TBCD: variants seen among roughly 807,000 people sequenced by gnomAD.
The protein encoded by TBCD is tubulin-specific chaperone D.
Under a neutral mutation model 169.3 loss-of-function variants are expected in TBCD, and 105 were observed. The ratio of observed to expected loss-of-function variants is 0.62; its 90% CI spans 0.53 to 0.73. The LOEUF is 0.73. Among genes scored for constraint, TBCD ranks in the 30% least tolerant of loss-of-function variants. The probability of loss-of-function intolerance (pLI) is 0.00; values close to 1 mark genes in which losing one functional copy is unlikely to be tolerated. For synonymous variants in TBCD, 700 were observed against 643.9 expected (o/e 1.09, Z -1.32); for missense variants, 1,444 against 1,600.1 (o/e 0.90, Z 1.66).
chr17:82,756,129 A>G (rs768252813), intron 1 of TBCD, 36 bp from the exon 2 acceptor site: 1 of 1,558,750 alleles, frequency 6.4e-7, no homozygotes, highest in Non-Finnish European at 8.7e-7. Context: ...TGTTTGGCCT[A>G]GTGATAATTA....
At chr17:82,856,118 A>G (rs78851635) in intron 13 of TBCD, among the ~76,000 whole-genome samples, 5,684 of 148,328 alleles carry the variant, frequency 0.038, 379 homozygotes, top group African/African-American at 0.13. Context: ...GATTACAGGC[A>G]TGAGCCTGAA....
chr17:82,797,863 G>A (rs1331474503), intron 8 of TBCD, 61 bp downstream of exon 8: 2 of 1,277,554 alleles, frequency 1.6e-6, no homozygotes, highest in Non-Finnish European at 2.1e-6. Flanking sequence ...ATACAATCAA[G>A]TGTCTTTCCT....
At chr17:82,905,904 C>G (rs569619242) in intron 19 of TBCD, 32 bp from the exon 20 acceptor site, 3 of 1,552,132 alleles carry the variant, frequency 1.9e-6, no homozygotes. Context: ...TGTACACACC[C>G]TCACCTGCCC....
At chr17:82,778,196 A>C (rs1458548838) in intron 6 of TBCD, among the ~76,000 whole-genome samples, 1 of 152,174 alleles carries the variant, frequency 6.6e-6, no homozygotes, top group Non-Finnish European at 1.5e-5. Flanking sequence ...ATCTGGTATA[A>C]CTATTCTTGT....
At chr17:82,796,373 G>A (rs1598545794) in intron 7 of TBCD, among the ~76,000 whole-genome samples, 1 of 152,214 alleles carries the variant, frequency 6.6e-6, no homozygotes, top group Admixed American at 6.5e-5. Context: ...AACTAAAGAT[G>A]GGGAAGAGTT....
chr17:82,757,863 G>T (rs2143819092), intron 2 of TBCD, among the ~76,000 whole-genome samples: 1 of 152,242 alleles, frequency 6.6e-6, no homozygotes, highest in Non-Finnish European at 1.5e-5. Context: ...GAGGTCTTGG[G>T]TTCCTGGAGT....
Position 82,935,673 on chromosome 17 carries a change from A to G in TBCD, c.3192-1598A>G, listed in dbSNP as rs558819298. Among the ~76,000 whole-genome samples, 21 of 152,346 alleles carry G rather than the reference A, an allele frequency of 1.4e-4. No individual in the cohort carries two copies. The East Asian group carries it at 4.0e-3, about 29-fold the overall frequency. On this transcript the variant is annotated intron_variant, in intron 34 of 38. Transcript: ENST00000355528. ...TATTGGACAATAGCAAGGATATTAGAACGTGTTGGTTCCGCGTGCTTCCGT... is the reference window on the plus strand; with the variant it reads ...TATTGGACAATAGCAAGGATATTAGGACGTGTTGGTTCCGCGTGCTTCCGT...
At chr17:82,919,717 C>T (rs1306216429) in intron 23 of TBCD, among the ~76,000 whole-genome samples, 1 of 152,136 alleles carries the variant, frequency 6.6e-6, no homozygotes, top group Non-Finnish European at 1.5e-5. Context: ...AGACACAGAG[C>T]AGGGTCTCTC....
intron 13 of TBCD, among the ~76,000 whole-genome samples, chr17:82,862,698 C>T (rs1026266078): frequency 1.3e-5 from 2 of 152,174 alleles, no homozygotes; most frequent in African/African-American, 4.8e-5. Flanking sequence ...GATGCCCCGC[C>T]ATGTCTTTTT....
At chr17:82,848,689 C>T (rs914470868) in intron 13 of TBCD, among the ~76,000 whole-genome samples, 12 of 152,220 alleles carry the variant, frequency 7.9e-5, no homozygotes, top group Admixed American at 4.6e-4. Flanking sequence ...TTTCATGCTA[C>T]AAAATAACAG....
At chr17:82,778,471 C>T (rs1054793447) in intron 6 of TBCD, among the ~76,000 whole-genome samples, 7 of 152,072 alleles carry the variant, frequency 4.6e-5, no homozygotes, top group African/African-American at 1.7e-4. Context: ...CTTTCCTTTT[C>T]TTTTCGAGAC....
intron 13 of TBCD, chr17:82,859,878 T>G: frequency 1.0e-6 from 1 of 985,442 alleles, no homozygotes. Context: ...ATAACTGGGT[T>G]GGAGACAGGG....
In TBCD at chr17:82,902,455, C is replaced by G. The variant is rs562788438; in HGVS notation, c.1731-950C>G. ...AGGTGCTTTGTCTTTTCTGTTCCCT[C>G]AGAGTTGCAGGCGATGGTCTTCTAG... On this transcript the variant is annotated intron_variant, in intron 18 of 38. Transcript: ENST00000355528. Among the ~76,000 whole-genome samples the G allele has an allele frequency of 2.3e-3, 349 of 152,356 alleles. 1 individual carries two copies. Among genetic ancestry groups the G allele is most frequent in the Non-Finnish European group, 3.8e-3 (261 of 68,042 alleles).
chr17:82,843,853 C>A (rs1350349769), intron 13 of TBCD, among the ~76,000 whole-genome samples: 4 of 152,232 alleles, frequency 2.6e-5, no homozygotes, highest in Admixed American at 2.6e-4. Flanking sequence ...CAGTGCCACC[C>A]TTCCCCACCC....
At chr17:82,932,968 G>A in intron 34 of TBCD, 2 of 537,566 alleles carry the variant, frequency 3.7e-6, no homozygotes, top group Non-Finnish European at 6.6e-6. Flanking sequence ...AGCCCCATCT[G>A]GGGCTGAGGC....
At position 82,809,756 on chromosome 17, in the gene TBCD, G is replaced by C; in HGVS notation, c.1197G>C (p.Val399=). 1 of 1,613,626 alleles carries C rather than the reference G, an allele frequency of 6.2e-7. No individual in the cohort carries two copies. The highest frequency in any genetic ancestry group is 1.3e-5 in the African/African-American group (1 of 75,030). Residue 399 remains valine (V), a synonymous_variant, in exon 12 of 39, where the codon GTG becomes GTC. Coordinates refer to ENST00000355528, the MANE Select transcript of TBCD (RefSeq NM_005993.5). Reference sequence around the variant, plus strand: ...TTCCCAGAGCCCTGGCGGATGATGTGGTCGGGTCTGTGCTGGACTGCTTCA... The same window carrying C: ...TTCCCAGAGCCCTGGCGGATGATGTCGTCGGGTCTGTGCTGGACTGCTTCA... ...GRLPRALADD[V]VGSVLDCFSF... is the part of the protein sequence containing the mutation.
chr17:82,927,113 C>T, intron 28 of TBCD, 73 bp from the exon 29 acceptor site: 1 of 1,592,892 alleles, frequency 6.3e-7, no homozygotes, highest in East Asian at 2.2e-5. Flanking sequence ...CAGGAACACA[C>T]ATCAGCCCTC....
At chr17:82,870,090 G>A (rs2057448991) in intron 13 of TBCD, 134 bp from the exon 14 acceptor site, 15 of 1,209,406 alleles carry the variant, frequency 1.2e-5, no homozygotes, top group Admixed American at 2.4e-5. Context: ...CCTCTGGGTG[G>A]GCTCCGTGTC....
Position 82,832,360 on chromosome 17 carries a change from A to T in TBCD, c.1318+17426A>T. 1 of 1,614,256 alleles carries T rather than the reference A, an allele frequency of 6.2e-7. No homozygotes were observed. The highest frequency in any genetic ancestry group is 8.5e-7 in the Non-Finnish European group (1 of 1,180,046). ...AAGATGTGACTTCTCATTGCAAGTA[A>T]AGGGACATTGGAAACATTTATACTT... On this transcript the variant is annotated intron_variant, in intron 13 of 38. Coordinates refer to ENST00000355528, the MANE Select transcript of TBCD (RefSeq NM_005993.5). The surrounding 1 kb of genome is among the most constrained non-coding windows in gnomAD (Gnocchi z 4.9).
Sources: gnomAD v4.1 joint callset for allele counts (sites outside exome capture counted in the v4.1 genomes callset) on GRCh38, gnomAD v4.1.1 for gene constraint, Gnocchi (gnomAD v3.1) non-coding constraint, MANE v1.5 for transcripts, NCBI Gene and HGNC (gene_info 2026-07-23, HGNC 2026-07-21) for gene names.